The following PLCL2 variants were observed in gnomAD, a reference collection of about 807,000 sequenced individuals.
PLCL2 encodes phospholipase C like 2.
PLCL2 carries 4 observed loss-of-function variants against 79.6 expected under a neutral mutation model. That is an observed-to-expected ratio of 0.05 (90% confidence interval 0.02 to 0.11). The LOEUF is 0.11. Ranked by LOEUF, PLCL2 falls within the 10% of genes least tolerant of loss-of-function variation. PLCL2 has a pLI of 1.00. For synonymous variants in PLCL2, 484 were observed against 457.7 expected, an observed-to-expected ratio of 1.06 and a Z score of -0.73; for missense variants, 895 against 1,291.0, an observed-to-expected ratio of 0.69 and a Z score of 4.70.
At chr3:16,891,348 G>A (rs1450822317) in intron 1 of PLCL2, among the ~76,000 whole-genome samples, 1 of 152,212 alleles carries the variant, frequency 6.6e-6, no homozygotes, top group Non-Finnish European at 1.5e-5. Context: ...GCAGTGTGTG[G>A]CACCTAATAA....
chr3:17,085,062 C>T lies in PLCL2; in HGVS notation c.3205-4671C>T, dbSNP rs138184011. Among the ~76,000 whole-genome samples, 408 of 152,036 alleles carry T rather than the reference C, an allele frequency of 2.7e-3. 3 individuals carry two copies. Among genetic ancestry groups the T allele is most frequent in the East Asian group, 0.013 (66 of 5,176 alleles). The stretch of plus-strand genomic sequence containing the variant: ...GAATTGACAAAAAAATCTCCTCGAA[C>T]AATATAATGAGCAATTATGGCAGGG... On this transcript the variant is annotated intron_variant, in intron 5 of 5. Transcript: ENST00000615277.
intron 4 of PLCL2, among the ~76,000 whole-genome samples, chr3:17,060,692 C>T (rs765103773): frequency 7.9e-5 from 12 of 152,194 alleles, no homozygotes; most frequent in Non-Finnish European, 1.6e-4. Context: ...TGATATCATA[C>T]CATAAGTCAT....
intron 5 of PLCL2, among the ~76,000 whole-genome samples, chr3:17,088,155 G>A (rs974250903): frequency 6.6e-6 from 1 of 152,134 alleles, no homozygotes; most frequent in African/African-American, 2.4e-5. Context: ...CTGTGGATTT[G>A]GGCCTCATGA....
intron 1 of PLCL2, among the ~76,000 whole-genome samples, chr3:16,996,700 CA>C (rs34921736): frequency 6.1e-4 from 85 of 139,114 alleles, no homozygotes; most frequent in East Asian, 8.2e-4. Context: ...ATGCTGTTAT[CA>C]AAAAAAAAAA....
At chr3:17,034,993 A>T (rs528613407) in intron 3 of PLCL2, among the ~76,000 whole-genome samples, 2 of 152,266 alleles carry the variant, frequency 1.3e-5, no homozygotes, top group African/African-American at 4.8e-5. Context: ...TGCACCTGTC[A>T]TACTAGTTAT....
chr3:16,928,486 G>A (rs1030934778), intron 1 of PLCL2, among the ~76,000 whole-genome samples: 5 of 152,318 alleles, frequency 3.3e-5, no homozygotes, highest in South Asian at 2.1e-4. Flanking sequence ...AGGGTGCACC[G>A]AGGAAGAGCA....
chr3:16,967,802 A>G (rs567851005), intron 1 of PLCL2, among the ~76,000 whole-genome samples: 31 of 152,100 alleles, frequency 2.0e-4, no homozygotes, highest in African/African-American at 2.2e-4. Context: ...TTTTGTTGCA[A>G]TTGCTTTTGG....
chr3:17,024,698 G>C (rs955984091), intron 3 of PLCL2, among the ~76,000 whole-genome samples: 3 of 152,176 alleles, frequency 2.0e-5, no homozygotes, highest in Non-Finnish European at 4.4e-5. Context: ...TTTTCAGATT[G>C]ACGAAAATGA....
chr3:16,926,390 T>G (rs990286795), intron 1 of PLCL2, among the ~76,000 whole-genome samples: 3 of 152,218 alleles, frequency 2.0e-5, no homozygotes, highest in African/African-American at 7.2e-5. Flanking sequence ...ATTAACAGTA[T>G]CTACCTCTAG....
chr3:16,973,452 C>T (rs1413065798), intron 1 of PLCL2, among the ~76,000 whole-genome samples: 1 of 149,534 alleles, frequency 6.7e-6, no homozygotes, highest in Non-Finnish European at 1.5e-5. Flanking sequence ...CTCTGCATTT[C>T]CTGCATTTGA....
intron 1 of PLCL2, among the ~76,000 whole-genome samples, chr3:16,928,082 T>C (rs1309227589): frequency 6.6e-6 from 1 of 152,240 alleles, no homozygotes; most frequent in Non-Finnish European, 1.5e-5. Context: ...CCAAAGGCTC[T>C]GCATTACCTA....
intron 1 of PLCL2, among the ~76,000 whole-genome samples, chr3:16,976,674 T>C (rs1181167903): frequency 6.6e-6 from 1 of 152,234 alleles, no homozygotes; most frequent in African/African-American, 2.4e-5. Context: ...TGGAACATTG[T>C]CATCTCTTAA....
chr3:16,981,895 A>G (rs1257832393), intron 1 of PLCL2, among the ~76,000 whole-genome samples: 1 of 152,228 alleles, frequency 6.6e-6, no homozygotes. Context: ...CCTCAGGAGT[A>G]TGGTGATATC....
At chr3:17,087,935 G>A (rs1258465618) in intron 5 of PLCL2, among the ~76,000 whole-genome samples, 1 of 152,180 alleles carries the variant, frequency 6.6e-6, no homozygotes, top group Non-Finnish European at 1.5e-5. Context: ...TATTTAACAT[G>A]AAATTATACT....
At chr3:17,053,724 C>T (rs769803198) in intron 4 of PLCL2, among the ~76,000 whole-genome samples, 1 of 152,092 alleles carries the variant, frequency 6.6e-6, no homozygotes, top group Non-Finnish European at 1.5e-5. Context: ...AATCCCGTTT[C>T]GAAAGGGAGA....
intron 3 of PLCL2, among the ~76,000 whole-genome samples, chr3:17,035,080 T>C (rs2064630698): frequency 1.3e-5 from 2 of 152,326 alleles, no homozygotes; most frequent in Admixed American, 1.3e-4. Context: ...CCCTCAGAAA[T>C]GTAGACATTC....
intron 1 of PLCL2, among the ~76,000 whole-genome samples, chr3:16,894,531 G>C (rs1464190590): frequency 6.6e-6 from 1 of 152,146 alleles, no homozygotes. Flanking sequence ...TTCCTAACTG[G>C]TCCAGCCAAT....
intron 1 of PLCL2, among the ~76,000 whole-genome samples, chr3:16,945,111 T>C (rs1180424171): frequency 6.6e-6 from 1 of 152,134 alleles, no homozygotes; most frequent in East Asian, 1.9e-4. Flanking sequence ...CAGTTCCCTC[T>C]GCCTGGAACA....
intron 4 of PLCL2, among the ~76,000 whole-genome samples, chr3:17,049,304 C>T (rs990133094): frequency 5.9e-5 from 9 of 152,100 alleles, no homozygotes; most frequent in African/African-American, 2.2e-4. Flanking sequence ...TAAAAAATGT[C>T]AAGGTAATAG....
Sources: allele counts gnomAD v4.1 joint callset (sites outside exome capture counted in the v4.1 genomes callset), GRCh38; gene constraint gnomAD v4.1.1; transcripts MANE v1.5; gene names NCBI Gene and HGNC (gene_info 2026-07-23, HGNC 2026-07-21).